MED13: variants seen among roughly 807,000 people sequenced by gnomAD.
MED13 encodes mediator of RNA polymerase II transcription subunit 13.
Under a neutral mutation model 225.2 loss-of-function variants are expected in MED13, and 23 were observed. The ratio of observed to expected loss-of-function variants is 0.10; its 90% confidence interval spans 0.07 to 0.14. The LOEUF (loss-of-function observed/expected upper bound fraction) is 0.14, where lower values mean the gene tolerates loss of function less well. Among genes scored for constraint, MED13 ranks in the 10% least tolerant of loss-of-function variants. The pLI is 1.00. For synonymous variants in MED13, 942 were observed against 889.2 expected, an observed-to-expected ratio of 1.06 and a Z score of -1.06; for missense variants, 2,197 against 2,594.5, an observed-to-expected ratio of 0.85 and a Z score of 3.33.
At chr17:61,965,515 C>T (rs767032711) in intron 19 of MED13, 47 bp from the exon 20 acceptor site, 1 of 1,514,564 alleles carries the variant, frequency 6.6e-7, no homozygotes, top group Non-Finnish European at 8.9e-7. Context: ...ATTTCACTGA[C>T]TGGTTTTTTT....
chr17:61,957,003 T>C (rs1427154556), intron 23 of MED13, among the ~76,000 whole-genome samples: 1 of 152,168 alleles, frequency 6.6e-6, no homozygotes, highest in Non-Finnish European at 1.5e-5. Context: ...TTAAAAAAAT[T>C]TGTCTATAAA....
chr17:62,031,198 G>A, intron 6 of MED13: 1 of 340,578 alleles, frequency 2.9e-6, no homozygotes, highest in Non-Finnish European at 5.3e-6. Flanking sequence ...GGAGTGATGG[G>A]ACATCATGTC....
Position 61,995,351 on chromosome 17 carries a change from C to T in MED13, c.1982G>A (p.Cys661Tyr). The T allele has an allele frequency of 9.3e-6, 15 of 1,607,562 alleles. No individual in the cohort carries two copies. The highest frequency in any genetic ancestry group is 1.2e-5 in the Non-Finnish European group (14 of 1,177,808). ...VTSVTELMVQCKKPLKVSDEL... is the reference protein window; with the variant it reads ...VTSVTELMVQYKKPLKVSDEL... ...ATCAGAAACTTTTAAAGGTTTCTTACATTGCACCATTAACCTGCATAAAAA... is the reference window on the plus strand; with the variant it reads ...ATCAGAAACTTTTAAAGGTTTCTTATATTGCACCATTAACCTGCATAAAAA... Residue 661 changes from cysteine (C) to tyrosine (Y), a missense_variant, in exon 10 of 30, where the codon TGT (cysteine) becomes TAT (tyrosine). Coordinates refer to ENST00000397786, the MANE Select transcript of MED13 (RefSeq NM_005121.3).
At chr17:62,064,059 A>T (rs1205734082) in intron 1 of MED13, among the ~76,000 whole-genome samples, 1 of 152,216 alleles carries the variant, frequency 6.6e-6, no homozygotes, top group Non-Finnish European at 1.5e-5. Flanking sequence ...ATCTAACTTA[A>T]AGGAGCAAAG....
At chr17:61,970,019 C>A (rs1358463177) in intron 17 of MED13, among the ~76,000 whole-genome samples, 1 of 152,154 alleles carries the variant, frequency 6.6e-6, no homozygotes, top group Non-Finnish European at 1.5e-5. Flanking sequence ...TAAAAAGATG[C>A]TCTTTCTCAT....
At chr17:61,980,240 T>A (rs1266486469) in intron 16 of MED13, among the ~76,000 whole-genome samples, 1 of 152,092 alleles carries the variant, frequency 6.6e-6, no homozygotes, top group Non-Finnish European at 1.5e-5. Context: ...TAGGATACCA[T>A]GCTCCCTTGG....
rs2079887349 is a variant in MED13 at position 61,950,449 on chromosome 17, T to C, written c.6291+376A>G. 4.6e-5 allele frequency among the ~76,000 whole-genome samples: 7 copies of C among 151,898 alleles called. No individual in the cohort carries two copies. The South Asian group carries it at 1.2e-3, about 27-fold the overall frequency. ...CCCAGGCTGGAGTGAAGTGGTACGATCTCGGCTCACTGCAACCTCTGCCTC... is the reference window on the plus strand; with the variant it reads ...CCCAGGCTGGAGTGAAGTGGTACGACCTCGGCTCACTGCAACCTCTGCCTC... On this transcript the variant is annotated intron_variant, in intron 28 of 29. Coordinates refer to ENST00000397786, the MANE Select transcript of MED13 (RefSeq NM_005121.3).
intron 22 of MED13, 87 bp from the exon 23 acceptor site, chr17:61,961,177 A>G (rs2079995835): frequency 1.7e-6 from 2 of 1,158,480 alleles, no homozygotes; most frequent in Non-Finnish European, 1.2e-6. Flanking sequence ...CTACCCAATT[A>G]TAAGATAATT....
intron 10 of MED13, among the ~76,000 whole-genome samples, chr17:61,993,001 G>C (rs975651762): frequency 6.6e-6 from 1 of 152,096 alleles, no homozygotes; most frequent in African/African-American, 2.4e-5. Context: ...TCTTGACCTT[G>C]TGATCCGCCC....
At chr17:62,047,482 C>T (rs1395798206) in intron 3 of MED13, among the ~76,000 whole-genome samples, 2 of 152,112 alleles carry the variant, frequency 1.3e-5, no homozygotes, top group Non-Finnish European at 2.9e-5. Flanking sequence ...TATGTTCTCA[C>T]TCAAAAGTGG....
intron 8 of MED13, among the ~76,000 whole-genome samples, chr17:62,016,788 C>T (rs1275603947): frequency 1.3e-5 from 2 of 152,122 alleles, no homozygotes; most frequent in Non-Finnish European, 2.9e-5. Flanking sequence ...GCGGACGGAA[C>T]ACCTGAGGTC....
intron 3 of MED13, among the ~76,000 whole-genome samples, chr17:62,038,222 C>G (rs1257144565): frequency 6.6e-6 from 1 of 151,902 alleles, no homozygotes; most frequent in South Asian, 2.1e-4. Context: ...CATAAGACCC[C>G]ATCTCCACAA....
intron 23 of MED13, among the ~76,000 whole-genome samples, chr17:61,959,853 C>T (rs1046445605): frequency 2.6e-5 from 4 of 151,574 alleles, no homozygotes; most frequent in Non-Finnish European, 4.4e-5. Flanking sequence ...CTCAGTCTCC[C>T]GAGTAGCTGT....
In MED13 at chr17:61,960,874, G is replaced by C. The variant is rs1185452547; in HGVS notation, c.5473C>G (p.Pro1825Ala). ...LETCIINIDV[P>A]NRARRKKSSA... ...TTAGGGAAATACAAATACCTATTTGGAACATCGATGTTAATGATACAAGTT... is the reference window on the plus strand; with the variant it reads ...TTAGGGAAATACAAATACCTATTTGCAACATCGATGTTAATGATACAAGTT... Residue 1825 changes from proline to alanine, a missense_variant, in exon 23 of 30, where the codon CCA (proline) becomes GCA (alanine). By Grantham distance (27) the Pro-to-Ala change is conservative (BLOSUM62 -1). Coordinates refer to ENST00000397786, the MANE Select transcript of MED13 (RefSeq NM_005121.3). The C allele has an allele frequency of 6.3e-7, 1 of 1,591,986 alleles. No homozygotes were observed. Among genetic ancestry groups the C allele is most frequent in the African/African-American group, 1.3e-5 (1 of 74,510 alleles).
chr17:61,949,276 A>G (rs906693928), intron 28 of MED13, among the ~76,000 whole-genome samples: 23 of 152,118 alleles, frequency 1.5e-4, no homozygotes, highest in African/African-American at 5.6e-4. Context: ...ACCTAGCTGG[A>G]GTGCAGTGGC....
At chr17:61,996,891 C>T (rs1291337204) in intron 9 of MED13, among the ~76,000 whole-genome samples, 4 of 152,160 alleles carry the variant, frequency 2.6e-5, no homozygotes, top group Admixed American at 2.0e-4. Flanking sequence ...GTACCTGGTA[C>T]ATAATAGGTG....
chr17:62,007,871 T>C (rs2080466584), intron 9 of MED13, among the ~76,000 whole-genome samples: 1 of 150,202 alleles, frequency 6.7e-6, no homozygotes, highest in South Asian at 2.1e-4. Flanking sequence ...CATAAAAAAT[T>C]AGCAGAGTGT....
intron 17 of MED13, among the ~76,000 whole-genome samples, chr17:61,968,484 C>T (rs2080079046): frequency 6.6e-6 from 1 of 152,150 alleles, no homozygotes; most frequent in African/African-American, 2.4e-5. Flanking sequence ...TGCCACCACG[C>T]CTGGCTAATT....
intron 3 of MED13, among the ~76,000 whole-genome samples, chr17:62,040,830 T>TG (rs571190181): frequency 1.3e-5 from 2 of 152,022 alleles, no homozygotes; most frequent in East Asian, 1.9e-4. Flanking sequence ...AAAAACACAG[T>TG]AAGATACCAC....
Sources: gnomAD v4.1 joint callset for allele counts (sites outside exome capture counted in the v4.1 genomes callset) on GRCh38, gnomAD v4.1.1 for gene constraint, MANE v1.5 for transcripts, NCBI Gene and HGNC (gene_info 2026-07-23, HGNC 2026-07-21) for gene names.